The following BBS5 variants were observed in gnomAD, a reference collection of about 807,000 sequenced individuals.
BBS5 encodes BBSome complex member BBS5.
A neutral mutation model predicts 50.2 loss-of-function variants in BBS5; 39 were observed. The ratio of observed to expected loss-of-function variants is 0.78; its 90% CI spans 0.60 to 1.01. The LOEUF (loss-of-function observed/expected upper bound fraction) is 1.01. BBS5 is among the 50% of genes least tolerant of loss of function. The pLI, the probability that BBS5 is intolerant of heterozygous loss-of-function variation, is 0.00. For synonymous variants in BBS5, 134 were observed against 133.1 expected (o/e 1.01, Z -0.05); for missense variants, 356 against 401.5 (o/e 0.89, Z 0.97).
At chr2:169,502,101 C>T (rs899556115) in intron 9 of BBS5, among the ~76,000 whole-genome samples, 2 of 152,140 alleles carry the variant, frequency 1.3e-5, no homozygotes, top group Admixed American at 6.5e-5. Flanking sequence ...TAAATGATCT[C>T]CCTGAAGTCA....
At chr2:169,504,228 T>G (rs1313908891) in intron 10 of BBS5, 75 bp from the exon 11 acceptor site, 20 of 1,275,114 alleles carry the variant, frequency 1.6e-5, no homozygotes, top group Non-Finnish European at 2.3e-5. Context: ...TTCTGCATAT[T>G]AAGTTCCTTA....
chr2:169,486,061 G>T (rs75754762), intron 2 of BBS5, among the ~76,000 whole-genome samples: 10,810 of 152,248 alleles, frequency 0.071, 538 homozygotes, highest in South Asian at 0.21. Flanking sequence ...AGCCATGCTG[G>T]ATTACTTATT....
At chr2:169,494,657 G>A (rs757962777) in intron 7 of BBS5, among the ~76,000 whole-genome samples, 18 of 152,076 alleles carry the variant, frequency 1.2e-4, no homozygotes, top group Non-Finnish European at 2.2e-4. Flanking sequence ...CTCTGCTGCT[G>A]CTATGATAAA....
chr2:169,482,811 T>G (rs1299869471), intron 2 of BBS5: 2 of 163,672 alleles, frequency 1.2e-5, no homozygotes, highest in East Asian at 3.5e-4. Context: ...GGTCAAGTAC[T>G]AGAAAATCCT....
chr2:169,503,211 T>G, intron 10 of BBS5, 33 bp downstream of exon 10: 2 of 1,520,844 alleles, frequency 1.3e-6, no homozygotes, highest in Non-Finnish European at 1.8e-6. Context: ...TTAAATTTCT[T>G]AAGGATTTTA....
intron 7 of BBS5, among the ~76,000 whole-genome samples, chr2:169,496,356 C>T (rs1483460863): frequency 1.3e-5 from 2 of 152,190 alleles, no homozygotes; most frequent in East Asian, 3.8e-4. Context: ...TCCCAACCTT[C>T]CTTGATGTCT....
chr2:169,480,268 G>A lies in BBS5; in HGVS notation c.59+656G>A, dbSNP rs73971619. Among the ~76,000 whole-genome samples the A allele has an allele frequency of 8.4e-3, 1,282 of 152,278 alleles. 20 individuals are homozygous for A. Among genetic ancestry groups the A allele is most frequent in the African/African-American group, 0.029 (1,194 of 41,568 alleles). On this transcript the variant is annotated intron_variant, in intron 1 of 11. Transcript: ENST00000295240. The stretch of plus-strand genomic sequence containing the variant: ...TAAATAGAAACCATGTTTTTGGAAA[G>A]TATCGTAAAGAAAAAGTGGTTAGAA...
intron 9 of BBS5, among the ~76,000 whole-genome samples, chr2:169,500,496 C>A (rs1182223358): frequency 6.6e-6 from 1 of 152,194 alleles, no homozygotes; most frequent in African/African-American, 2.4e-5. Flanking sequence ...TGTAGACTCC[C>A]TTGCTGTCTG....
chr2:169,488,218 AG>A, intron 5 of BBS5, 104 bp downstream of exon 5: 1 of 1,162,302 alleles, frequency 8.6e-7, no homozygotes, highest in Non-Finnish European at 1.3e-6. Flanking sequence ...GTTTCATGGA[AG>A]ACAGTTTTTC....
At chr2:169,493,433 C>G (rs1461091375) in intron 6 of BBS5, among the ~76,000 whole-genome samples, 1 of 152,170 alleles carries the variant, frequency 6.6e-6, no homozygotes, top group Non-Finnish European at 1.5e-5. Context: ...CATTTAGGCA[C>G]TGTGTTAGGA....
Position 169,506,468 on chromosome 2 carries a change from T to G in BBS5, c.*1886T>G, listed in dbSNP as rs566376193. 22 of 154,970 alleles carry G rather than the reference T, an allele frequency of 1.4e-4. No individual in the cohort carries two copies. Among genetic ancestry groups the G allele is most frequent in the African/African-American group, 5.1e-4 (21 of 41,472 alleles). The allele number at this position is 154,970 out of a possible 1,614,324, so 9.6% of individuals were successfully genotyped here. ...TTTGTTCTGTACTAAGAAAAATTCT[T>G]ACCCTAAAACTTAAAGTATAATAAA... On this transcript the variant is annotated 3_prime_UTR_variant, in exon 12 of 12. Coordinates refer to ENST00000295240, the MANE Select transcript of BBS5 (RefSeq NM_152384.3).
Position 169,492,795 on chromosome 2 carries a change from A to G in BBS5, c.387-79A>G, listed in dbSNP as rs77231012. ...GTAATGTTCATAAATACTAACAACTACATATTTTAGTAAGTAAACATAACC... is the reference window on the plus strand; with the variant it reads ...GTAATGTTCATAAATACTAACAACTGCATATTTTAGTAAGTAAACATAACC... On this transcript the variant is annotated intron_variant, in intron 5 of 11. Coordinates refer to ENST00000295240, the MANE Select transcript of BBS5 (RefSeq NM_152384.3). 0.047 allele frequency: 56,733 copies of G among 1,216,978 alleles called. 1,562 individuals carry two copies. The highest frequency in any genetic ancestry group is 0.086 in the Admixed American group (4,173 of 48,586). The allele number at this position is 1,216,978 out of a possible 1,614,324, so 75.4% of individuals were successfully genotyped here.
Position 169,488,013 on chromosome 2 carries a change from C to G in BBS5, c.285C>G (p.Leu95=), listed in dbSNP as rs6752540. ...AATTACGAGGCCAAACTGAAGCTCT[C>G]TATATACTAACAAAATGTAACAGTA... The part of the protein sequence containing the change: ...NSKLRGQTEA[L]YILTKCNSTR... Residue 95 remains leucine, a synonymous_variant, in exon 5 of 12, where the codon CTC becomes CTG. Transcript: ENST00000295240. 3.1e-6 allele frequency: 5 copies of G among 1,613,640 alleles called. No homozygotes were observed. In the African/African-American group the frequency reaches 6.7e-5, roughly 22 times the overall value.
In BBS5 at chr2:169,505,304, A is replaced by G. The variant is rs566330204; in HGVS notation, c.*722A>G. 1.1e-4 allele frequency: 43 copies of G among 379,872 alleles called. No homozygotes were observed. The highest frequency in any genetic ancestry group is 6.6e-4 in the South Asian group (31 of 47,180). The allele number at this position is 379,872 out of a possible 1,614,324, so 23.5% of individuals were successfully genotyped here. A position where few individuals can be genotyped will look rare whatever the true frequency, so the allele number is the denominator to read the frequency against. On this transcript the variant is annotated 3_prime_UTR_variant, in exon 12 of 12. Coordinates refer to ENST00000295240, the MANE Select transcript of BBS5 (RefSeq NM_152384.3). Reference sequence around the variant, plus strand: ...TGCAGTGGCGTGATCTCCGCTCGCTACAACCTCCACCTCCCAGCTGCCTGC... The same window carrying G: ...TGCAGTGGCGTGATCTCCGCTCGCTGCAACCTCCACCTCCCAGCTGCCTGC...
At position 169,499,474 on chromosome 2, in the gene BBS5, T is replaced by A; in HGVS notation, c.682-12T>A. The A allele has an allele frequency of 6.2e-7, 1 of 1,610,592 alleles. No homozygotes were observed. The highest frequency in any genetic ancestry group is 8.5e-7 in the Non-Finnish European group (1 of 1,178,212). On this transcript the variant is annotated splice_polypyrimidine_tract_variant and intron_variant, in intron 8 of 11. Transcript: ENST00000295240. Reference sequence around the variant, plus strand: ...CTTGTTGGGTTTTTTTTTATTATTTTTTCTCTTGTAGAGTGGTGGATATGT... The same window carrying A: ...CTTGTTGGGTTTTTTTTTATTATTTATTCTCTTGTAGAGTGGTGGATATGT...
At position 169,505,494 on chromosome 2, in the gene BBS5, C is replaced by G; in HGVS notation, c.*912C>G. Reference sequence around the variant, plus strand: ...GGAGCGTCTCTGCCCGGCCGCCATCCCATCTAGGAAGTGAGGAGCGCCTCT... The same window carrying G: ...GGAGCGTCTCTGCCCGGCCGCCATCGCATCTAGGAAGTGAGGAGCGCCTCT... On this transcript the variant is annotated 3_prime_UTR_variant, in exon 12 of 12. Coordinates refer to ENST00000295240, the MANE Select transcript of BBS5 (RefSeq NM_152384.3). 3.3e-6 allele frequency: 1 copy of G among 301,216 alleles called. No individual in the cohort carries two copies. The highest frequency in any genetic ancestry group is 6.5e-6 in the Non-Finnish European group (1 of 154,884). The allele number at this position is 301,216 out of a possible 1,614,324, so 18.7% of individuals were successfully genotyped here.
chr2:169,499,473 T>C lies in BBS5; in HGVS notation c.682-13T>C. On this transcript the variant is annotated splice_polypyrimidine_tract_variant and intron_variant, in intron 8 of 11. Coordinates refer to ENST00000295240, the MANE Select transcript of BBS5 (RefSeq NM_152384.3). ...ACTTGTTGGGTTTTTTTTTATTATT[T>C]TTTCTCTTGTAGAGTGGTGGATATG... 6.2e-6 allele frequency: 10 copies of C among 1,610,364 alleles called. No individual in the cohort carries two copies. The highest frequency in any genetic ancestry group is 8.5e-6 in the Non-Finnish European group (10 of 1,178,088).
chr2:169,489,199 G>A (rs937592566), intron 5 of BBS5, among the ~76,000 whole-genome samples: 3 of 152,014 alleles, frequency 2.0e-5, no homozygotes, highest in African/African-American at 7.2e-5. Context: ...GGTGGCGCAC[G>A]TCTGTAATCC....
chr2:169,480,976 C>A (rs545256393), intron 1 of BBS5, among the ~76,000 whole-genome samples: 2 of 152,228 alleles, frequency 1.3e-5, no homozygotes, highest in East Asian at 3.9e-4. Flanking sequence ...CTGCGCCCGG[C>A]GACATTTTCT....
Sources: gnomAD v4.1 joint callset for allele counts (sites outside exome capture counted in the v4.1 genomes callset) on GRCh38, gnomAD v4.1.1 for gene constraint, MANE v1.5 for transcripts, NCBI Gene and HGNC (gene_info 2026-07-23, HGNC 2026-07-21) for gene names.